Variants in GABRR3 observed in about 807,000 individuals in gnomAD.
GABRR3 encodes the protein gamma-aminobutyric acid type A receptor subunit rho3.
GABRR3 carries 29 observed loss-of-function variants against 43.2 expected under a neutral mutation model. The ratio of observed to expected loss-of-function variants is 0.67; its 90% CI spans 0.50 to 0.92. The LOEUF (loss-of-function observed/expected upper bound fraction) is 0.92. Among genes scored for constraint, GABRR3 ranks in the 40% least tolerant of loss-of-function variants. The probability of loss-of-function intolerance (pLI) is 0.00; values close to 1 mark genes in which losing one functional copy is unlikely to be tolerated. For synonymous variants in GABRR3, 206 were observed against 195.9 expected (o/e 1.05, Z -0.43); for missense variants, 576 against 572.3 (o/e 1.01, Z -0.07).
At chr3:98,027,856 T>G (rs1707042275) in intron 2 of GABRR3, among the ~76,000 whole-genome samples, 1 of 152,206 alleles carries the variant, frequency 6.6e-6, no homozygotes. Context: ...TTCCTTTAAG[T>G]GTATCCAGTG....
At chr3:98,010,496 C>G (rs1395051506) in intron 5 of GABRR3, among the ~76,000 whole-genome samples, 1 of 152,158 alleles carries the variant, frequency 6.6e-6, no homozygotes, top group African/African-American at 2.4e-5. Context: ...CTCAAAGTCT[C>G]CACCGTAAAT....
intron 8 of GABRR3, among the ~76,000 whole-genome samples, chr3:97,996,021 T>C (rs1414818927): frequency 1.3e-5 from 2 of 152,134 alleles, no homozygotes; most frequent in Admixed American, 6.5e-5. Flanking sequence ...AAAGATGGGG[T>C]CTTAAGAACC....
chr3:98,011,245 T>C lies in GABRR3; in HGVS notation c.530+1099A>G, dbSNP rs150837010. ...TTTTAACGAGCAAAAATAATCTGTA[T>C]GAGTTTCCTACTGCTGCTGTAACAA... is the stretch of plus-strand genomic sequence containing the variant. On this transcript the variant is annotated intron_variant, in intron 5 of 9. Transcript: ENST00000621172. Among the ~76,000 whole-genome samples, 12 of 152,356 alleles carry C rather than the reference T, an allele frequency of 7.9e-5. No homozygotes were observed. In the East Asian group the frequency reaches 2.3e-3, roughly 29 times the overall value.
downstream of GABRR3, among the ~76,000 whole-genome samples, chr3:97,985,882 T>G (rs1706379661): frequency 6.6e-6 from 1 of 151,716 alleles, no homozygotes; most frequent in Non-Finnish European, 1.5e-5. Flanking sequence ...TTATTTATTT[T>G]TTGAGATGAT....
intron 4 of GABRR3, among the ~76,000 whole-genome samples, chr3:98,014,166 T>C (rs1214357226): frequency 6.6e-6 from 1 of 152,208 alleles, no homozygotes; most frequent in Non-Finnish European, 1.5e-5. Flanking sequence ...TCCAGTTTTA[T>C]CTGATACGGA....
chr3:97,998,213 G>T (rs1706588275), intron 8 of GABRR3: 1 of 152,316 alleles, frequency 6.6e-6, no homozygotes, highest in Non-Finnish European at 1.5e-5. Flanking sequence ...TAATTATCCT[G>T]TGATTGTGAT....
intron 5 of GABRR3, among the ~76,000 whole-genome samples, chr3:98,010,156 C>G (rs1352067180): frequency 2.0e-5 from 3 of 152,124 alleles, no homozygotes; most frequent in Non-Finnish European, 4.4e-5. Flanking sequence ...CTCGCAGAAC[C>G]CAGCAAAGCT....
At chr3:98,025,742 A>G in intron 2 of GABRR3, 63 bp from the exon 3 acceptor site, 1 of 1,099,794 alleles carries the variant, frequency 9.1e-7, no homozygotes, top group Non-Finnish European at 1.3e-6. Context: ...ATTTTGATTT[A>G]GGTTAGCCAT....
intron 4 of GABRR3, among the ~76,000 whole-genome samples, chr3:98,014,809 T>C (rs141848826): frequency 6.6e-6 from 1 of 152,224 alleles, no homozygotes; most frequent in South Asian, 2.1e-4. Flanking sequence ...ATTTTAGTGA[T>C]TGATATTTTC....
intron 3 of GABRR3, among the ~76,000 whole-genome samples, chr3:98,018,185 C>T (rs1185098590): frequency 1.3e-5 from 2 of 152,080 alleles, no homozygotes; most frequent in East Asian, 3.8e-4. Context: ...AATGTTGGGA[C>T]CTTTTCTCTG....
intron 2 of GABRR3, among the ~76,000 whole-genome samples, chr3:98,034,164 G>T (rs1707123813): frequency 6.6e-6 from 1 of 152,078 alleles, no homozygotes; most frequent in Admixed American, 6.6e-5. Context: ...ATTATTAAAG[G>T]TATATGGGTA....
intron 8 of GABRR3, chr3:97,998,573 T>C (rs1380257989): frequency 6.6e-6 from 1 of 152,174 alleles, no homozygotes; most frequent in Non-Finnish European, 1.5e-5. Context: ...AGTTTTGGTG[T>C]AATGTGAAGG....
chr3:98,032,436 C>T (rs763862970), intron 2 of GABRR3, among the ~76,000 whole-genome samples: 3 of 152,068 alleles, frequency 2.0e-5, no homozygotes, highest in Non-Finnish European at 2.9e-5. Context: ...CATTTTTAGC[C>T]CCAACCCAGC....
chr3:98,007,683 G>T (rs371914621), intron 7 of GABRR3, 81 bp downstream of exon 7: 96 of 1,484,834 alleles, frequency 6.5e-5, no homozygotes, highest in Non-Finnish European at 7.9e-5. Context: ...CTTGGATTCC[G>T]GTCTTTTCGC....
intron 5 of GABRR3, among the ~76,000 whole-genome samples, chr3:98,009,650 C>T (rs145276526): frequency 2.7e-4 from 41 of 152,268 alleles, no homozygotes; most frequent in African/African-American, 9.6e-4. Context: ...TGGCTTCAGG[C>T]AGAGGCTGCT....
At chr3:98,033,034 C>T (rs1707109993) in intron 2 of GABRR3, among the ~76,000 whole-genome samples, 1 of 152,054 alleles carries the variant, frequency 6.6e-6, no homozygotes, top group African/African-American at 2.4e-5. Flanking sequence ...TGGTCAAATG[C>T]CCTAAAATCT....
chr3:98,002,961 C>T (rs1220263288), intron 7 of GABRR3, among the ~76,000 whole-genome samples: 1 of 152,102 alleles, frequency 6.6e-6, no homozygotes, highest in Non-Finnish European at 1.5e-5. Flanking sequence ...AACTGGCAGA[C>T]TCTACTCTTA....
chr3:97,993,236 G>A (rs1381244892), intron 8 of GABRR3, among the ~76,000 whole-genome samples, 188 bp from the exon 9 acceptor site: 1 of 152,110 alleles, frequency 6.6e-6, no homozygotes, highest in Admixed American at 6.6e-5. Flanking sequence ...GGATTTTTCT[G>A]TCTCTTTTTC....
chr3:97,992,792 A>G (rs1159373761), intron 9 of GABRR3, 60 bp downstream of exon 9: 3 of 1,442,232 alleles, frequency 2.1e-6, no homozygotes, highest in Non-Finnish European at 2.8e-6. Flanking sequence ...AGAGGGCAAT[A>G]GATAAGGGTA....
Sources: gnomAD v4.1 joint callset for allele counts (sites outside exome capture counted in the v4.1 genomes callset) on GRCh38, gnomAD v4.1.1 for gene constraint, MANE v1.5 for transcripts, NCBI Gene and HGNC (gene_info 2026-07-23, HGNC 2026-07-21) for gene names.